BICD1: variants seen among roughly 807,000 people sequenced by gnomAD.
BICD1 encodes BICD cargo adaptor 1.
A neutral mutation model predicts 92.5 loss-of-function variants in BICD1; 35 were observed. The observed-to-expected ratio is 0.38, with a 90% CI of 0.29 to 0.50. The LOEUF (loss-of-function observed/expected upper bound fraction) is 0.50, where lower values mean the gene tolerates loss of function less well. BICD1 is among the 20% of genes least tolerant of loss of function. The pLI is 0.93. For missense variants in BICD1, 950 were observed against 1,189.8 expected, an observed-to-expected ratio of 0.80 and a Z score of 2.97; for synonymous variants, 429 against 465.1, an observed-to-expected ratio of 0.92 and a Z score of 1.00.
chr12:32,114,812 A>G (rs909491291), intron 1 of BICD1, among the ~76,000 whole-genome samples: 35 of 152,248 alleles, frequency 2.3e-4, no homozygotes, highest in South Asian at 2.1e-4. Flanking sequence ...ATGAAAACAA[A>G]TAAACGATGG....
chr12:32,246,958 G>A (rs1181672439), intron 2 of BICD1, among the ~76,000 whole-genome samples: 3 of 151,928 alleles, frequency 2.0e-5, no homozygotes, highest in Non-Finnish European at 4.4e-5. Context: ...ATCATGTTTA[G>A]TTCAAGATGC....
chr12:32,322,887 C>G (rs1304075923), intron 4 of BICD1, among the ~76,000 whole-genome samples: 1 of 152,130 alleles, frequency 6.6e-6, no homozygotes, highest in Admixed American at 6.5e-5. Context: ...GATCCAGAGG[C>G]CTTTCCTTTT....
rs1248827761 is a variant in BICD1, at chr12:32,382,253, G to C, written c.*4626G>C. 1 of 152,096 alleles carries C rather than the reference G, an allele frequency of 6.6e-6. No individual in the cohort carries two copies. Among genetic ancestry groups the C allele is most frequent in the Non-Finnish European group, 1.5e-5 (1 of 67,972 alleles). 9.4% of individuals were successfully genotyped at this position (152,096 alleles called of 1,614,324 possible). ...CTTATTATTCAAAGTGTAATTGAAA[G>C]AGATATTTAGTATTAAGACATGTTC... On this transcript the variant is annotated 3_prime_UTR_variant, in exon 10 of 10. Transcript: ENST00000652176.
intron 1 of BICD1, among the ~76,000 whole-genome samples, chr12:32,121,233 T>A (rs1942137934): frequency 6.6e-6 from 1 of 150,500 alleles, no homozygotes; most frequent in African/African-American, 2.4e-5. Flanking sequence ...GTGCTGGGAG[T>A]ACAGGCGTGA....
At position 32,337,704 on chromosome 12, in the gene BICD1, A is replaced by G. The variant is rs758654796; in HGVS notation, c.2458A>G (p.Lys820Glu). Reference sequence around the variant, plus strand: ...TGGAAAGAGCAAGATCGGCAGCCCTAAAGTAAGTGGGGAGGCATCAGTCAC... The same window carrying G: ...TGGAAAGAGCAAGATCGGCAGCCCTGAAGTAAGTGGGGAGGCATCAGTCAC... The part of the protein sequence containing the change: ...KLGKSKIGSP[K>E]VSGEASVTVP... Residue 820 changes from lysine (K) to glutamate (E), a missense_variant, in exon 7 of 10, where the codon AAA (lysine) becomes GAA (glutamate). By Grantham distance (56) the Lys-to-Glu change is moderately conservative (BLOSUM62 1). Transcript: ENST00000652176. The surrounding 1 kb of genome is among the most constrained non-coding windows in gnomAD (Gnocchi z 4.7). 1.2e-6 allele frequency: 2 copies of G among 1,614,052 alleles called. No homozygotes were observed. The highest frequency in any genetic ancestry group is 8.5e-7 in the Non-Finnish European group (1 of 1,180,046).
chr12:32,191,181 A>G (rs1429013373), intron 1 of BICD1, among the ~76,000 whole-genome samples: 1 of 152,216 alleles, frequency 6.6e-6, no homozygotes, highest in Non-Finnish European at 1.5e-5. Flanking sequence ...CTAGAAAAAG[A>G]AGAACAAACT....
intron 8 of BICD1, among the ~76,000 whole-genome samples, chr12:32,365,201 C>T (rs1253719388): frequency 1.3e-5 from 2 of 152,198 alleles, no homozygotes; most frequent in Non-Finnish European, 2.9e-5. Flanking sequence ...TGTGCCATTG[C>T]ACTCCAGCCT....
At chr12:32,318,386 A>C (rs1948561978) in intron 4 of BICD1, among the ~76,000 whole-genome samples, 3 of 151,902 alleles carry the variant, frequency 2.0e-5, no homozygotes, top group South Asian at 2.1e-4. Flanking sequence ...CTTTTATTTC[A>C]TTGAGCAGTG....
At chr12:32,341,182 T>C (rs1938353045) in intron 8 of BICD1, among the ~76,000 whole-genome samples, 1 of 152,032 alleles carries the variant, frequency 6.6e-6, no homozygotes, top group African/African-American at 2.4e-5. Context: ...GATTACTATT[T>C]ATGAGATTCG....
intron 8 of BICD1, among the ~76,000 whole-genome samples, chr12:32,357,972 A>G (rs1408307745): frequency 6.6e-6 from 1 of 152,204 alleles, no homozygotes; most frequent in Non-Finnish European, 1.5e-5. Flanking sequence ...GTGGACAGTC[A>G]GAAACCTGGG....
chr12:32,364,127 C>T (rs937609041), intron 8 of BICD1, among the ~76,000 whole-genome samples: 4 of 152,250 alleles, frequency 2.6e-5, no homozygotes, highest in Middle Eastern at 3.4e-3. Flanking sequence ...CCTTTTTCCC[C>T]CTGCTGCCTA....
In BICD1 at chr12:32,192,452, A is replaced by AG. The variant is rs1338904742; in HGVS notation, c.214-23795_214-23794insG. ...CTGTTAAATAAATAAATAAATAAATAAATAGATAGATAGATAGATAGATAG... is the reference window on the plus strand; with the variant it reads ...CTGTTAAATAAATAAATAAATAAATAGAATAGATAGATAGATAGATAGATAG... On this transcript the variant is annotated intron_variant, in intron 1 of 9. Coordinates refer to ENST00000652176, the MANE Select transcript of BICD1 (RefSeq NM_001714.4). Among the ~76,000 whole-genome samples the AG allele has an allele frequency of 3.8e-3, 541 of 143,540 alleles. 2 individuals are homozygous for AG. Among genetic ancestry groups the AG allele is most frequent in the African/African-American group, 8.9e-3 (316 of 35,484 alleles). 94.2% of individuals were successfully genotyped at this position (143,540 alleles called of 152,430 possible). A position where few individuals can be genotyped will look rare whatever the true frequency, so the allele number is the denominator to read the frequency against.
At chr12:32,212,793 T>C (rs944467324) in intron 1 of BICD1, among the ~76,000 whole-genome samples, 6 of 152,218 alleles carry the variant, frequency 3.9e-5, no homozygotes, top group Admixed American at 2.0e-4. Flanking sequence ...GTACTTCTCA[T>C]TGAATATAGT....
intron 1 of BICD1, among the ~76,000 whole-genome samples, chr12:32,111,756 C>T (rs1376907318): frequency 6.6e-6 from 1 of 151,992 alleles, no homozygotes; most frequent in Non-Finnish European, 1.5e-5. Context: ...TACACGCATT[C>T]ACCACCACAC....
At chr12:32,176,391 T>C (rs1268991248) in intron 1 of BICD1, among the ~76,000 whole-genome samples, 2 of 152,250 alleles carry the variant, frequency 1.3e-5, no homozygotes, top group East Asian at 3.8e-4. Context: ...AGTTTATTGA[T>C]GTATGATTGA....
chr12:32,127,691 A>G (rs1050679333), intron 1 of BICD1, among the ~76,000 whole-genome samples: 6 of 151,322 alleles, frequency 4.0e-5, no homozygotes, highest in Middle Eastern at 3.4e-3. Context: ...AAAGCTCTCA[A>G]CATTTACAAG....
chr12:32,233,405 A>G (rs1945956582), intron 2 of BICD1, among the ~76,000 whole-genome samples: 1 of 151,436 alleles, frequency 6.6e-6, no homozygotes, highest in Admixed American at 6.6e-5. Context: ...GTTATTGTTC[A>G]CCATTTAAAA....
chr12:32,175,040 A>C (rs1268531242), intron 1 of BICD1, among the ~76,000 whole-genome samples: 1 of 152,222 alleles, frequency 6.6e-6, no homozygotes, highest in Non-Finnish European at 1.5e-5. Context: ...TTGTAACTAT[A>C]AGACAAAGCT....
At chr12:32,130,495 A>G (rs781318191) in intron 1 of BICD1, among the ~76,000 whole-genome samples, 11 of 152,082 alleles carry the variant, frequency 7.2e-5, no homozygotes, top group Middle Eastern at 3.2e-3. Context: ...CCGGCCCCAA[A>G]ATTTTTAAAT....
Sources: gnomAD v4.1 joint callset for allele counts (sites outside exome capture counted in the v4.1 genomes callset) on GRCh38, gnomAD v4.1.1 for gene constraint, Gnocchi (gnomAD v3.1) non-coding constraint, MANE v1.5 for transcripts, NCBI Gene and HGNC (gene_info 2026-07-23, HGNC 2026-07-21) for gene names.